IQCJ: variants seen among roughly 807,000 people sequenced by gnomAD.
The protein encoded by IQCJ is IQ motif containing J.
Under a neutral mutation model 11.0 loss-of-function variants are expected in IQCJ, and 9 were observed. That is an observed-to-expected ratio of 0.82 (90% CI 0.49 to 1.43). IQCJ has a LOEUF of 1.43. Among genes scored for constraint, IQCJ ranks in the 40% most tolerant of loss-of-function variants. IQCJ has a pLI of 0.00. For missense variants in IQCJ, 146 were observed against 133.2 expected (o/e 1.10, Z -0.47); for synonymous variants, 55 against 51.3 (o/e 1.07, Z -0.31).
intron 1 of IQCJ, among the ~76,000 whole-genome samples, chr3:159,076,004 C>T (rs1392803486): frequency 1.3e-5 from 2 of 152,076 alleles, no homozygotes; most frequent in Non-Finnish European, 2.9e-5. Context: ...CCTTGGGCCG[C>T]TCTTCTTACC....
At chr3:159,105,281 A>C (rs964099044) in intron 1 of IQCJ, among the ~76,000 whole-genome samples, 8 of 152,212 alleles carry the variant, frequency 5.3e-5, no homozygotes, top group African/African-American at 1.4e-4. Flanking sequence ...TGGGGACTCA[A>C]GTATGGCTTT....
chr3:159,111,320 G>C (rs1241533036), intron 1 of IQCJ, among the ~76,000 whole-genome samples: 1 of 152,024 alleles, frequency 6.6e-6, no homozygotes, highest in Non-Finnish European at 1.5e-5. Flanking sequence ...TTTGTCTTGA[G>C]TCATATCATA....
intron 1 of IQCJ, among the ~76,000 whole-genome samples, chr3:159,158,900 A>G (rs1721682618): frequency 6.6e-6 from 1 of 152,214 alleles, no homozygotes; most frequent in Non-Finnish European, 1.5e-5. Context: ...GTAAGATAGC[A>G]GACACAGACA....
chr3:159,159,357 G>A (rs1721707247), intron 1 of IQCJ, among the ~76,000 whole-genome samples: 1 of 152,122 alleles, frequency 6.6e-6, no homozygotes. Context: ...TCAAAGGTGT[G>A]TTTGTAGGAG....
intron 1 of IQCJ, chr3:159,069,844 TGTG>T (rs1301176907): frequency 3.8e-4 from 10 of 26,028 alleles, no homozygotes; most frequent in South Asian, 1.6e-3. Flanking sequence ...CCTCCTTTCT[TGTG>T]TGTGTGTGTG....
chr3:159,221,188 A>G (rs1725517487), intron 1 of IQCJ, among the ~76,000 whole-genome samples: 1 of 152,176 alleles, frequency 6.6e-6, no homozygotes, highest in African/African-American at 2.4e-5. Context: ...CAGAATTCAA[A>G]TGTCCACCAT....
chr3:159,119,045 A>G (rs764747484), intron 1 of IQCJ, among the ~76,000 whole-genome samples: 1 of 152,212 alleles, frequency 6.6e-6, no homozygotes, highest in Non-Finnish European at 1.5e-5. Context: ...CCATAAAAAC[A>G]GGTCACAGCT....
intron 1 of IQCJ, among the ~76,000 whole-genome samples, chr3:159,180,471 G>A (rs1479005501): frequency 2.0e-5 from 3 of 152,012 alleles, no homozygotes; most frequent in African/African-American, 7.3e-5. Flanking sequence ...AAATGATTCA[G>A]CAGAAAGTGT....
intron 1 of IQCJ, among the ~76,000 whole-genome samples, chr3:159,086,225 G>A (rs1015525130): frequency 6.6e-6 from 1 of 152,110 alleles, no homozygotes; most frequent in African/African-American, 2.4e-5. Context: ...TCAGATAGTT[G>A]TAGATATGTG....
In IQCJ at chr3:159,245,733, C is replaced by T. The variant is rs569830658; in HGVS notation, c.10-110C>T. The T allele has an allele frequency of 1.1e-5, 10 of 927,914 alleles. 1 individual carries two copies. The African/African-American group carries it at 1.5e-4, about 14-fold the overall frequency. The allele number at this position is 927,914 out of a possible 1,614,324, so 57.5% of individuals were successfully genotyped here. On this transcript the variant is annotated intron_variant, in intron 1 of 3. Transcript: ENST00000397832. ...CGCCTCGGCCTCCCAAAGTGCAGTC[C>T]AGAACTCTTAATGTTGTGTTGTATC...
At chr3:159,208,460 T>C (rs989796042) in intron 1 of IQCJ, among the ~76,000 whole-genome samples, 3 of 152,220 alleles carry the variant, frequency 2.0e-5, no homozygotes, top group African/African-American at 7.2e-5. Context: ...TCCTCTGAGA[T>C]GAGATAAGGT....
chr3:159,089,609 T>C lies in IQCJ; in HGVS notation c.9+20168T>C, dbSNP rs527451028. 4.6e-3 allele frequency among the ~76,000 whole-genome samples: 692 copies of C among 151,902 alleles called. 4 individuals carry two copies. Among genetic ancestry groups the C allele is most frequent in the Non-Finnish European group, 7.9e-3 (534 of 68,016 alleles). On this transcript the variant is annotated intron_variant, in intron 1 of 3. Coordinates refer to ENST00000397832, the MANE Select transcript of IQCJ (RefSeq NM_001042706.3). ...CATAGTCCCATATTTCTTGGAGGCTTTGCTCATTTCTTTTTATTCTTTTTT... is the reference window on the plus strand; with the variant it reads ...CATAGTCCCATATTTCTTGGAGGCTCTGCTCATTTCTTTTTATTCTTTTTT...
intron 1 of IQCJ, among the ~76,000 whole-genome samples, chr3:159,121,395 A>C (rs1719375556): frequency 6.6e-6 from 1 of 152,040 alleles, no homozygotes; most frequent in African/African-American, 2.4e-5. Context: ...CAGCCTCCCA[A>C]AGTGTTAGGA....
chr3:159,209,266 A>G (rs1034888095), intron 1 of IQCJ, among the ~76,000 whole-genome samples: 2 of 152,116 alleles, frequency 1.3e-5, no homozygotes, highest in Non-Finnish European at 2.9e-5. Context: ...GATGTGGCTT[A>G]ACTTCAGATG....
At chr3:159,153,472 C>T (rs1363706531) in intron 1 of IQCJ, among the ~76,000 whole-genome samples, 3 of 152,150 alleles carry the variant, frequency 2.0e-5, no homozygotes, top group Non-Finnish European at 4.4e-5. Context: ...TATTAATTCC[C>T]GTTCATTTCT....
chr3:159,252,364 C>T (rs938541317), intron 2 of IQCJ, among the ~76,000 whole-genome samples: 20 of 152,218 alleles, frequency 1.3e-4, no homozygotes, highest in African/African-American at 4.8e-4. Flanking sequence ...GTAAGGTCTT[C>T]TCTACAACTT....
At chr3:159,116,042 A>G (rs1253807624) in intron 1 of IQCJ, among the ~76,000 whole-genome samples, 1 of 152,182 alleles carries the variant, frequency 6.6e-6, no homozygotes, top group Admixed American at 6.5e-5. Flanking sequence ...CATGTTCTGC[A>G]CATGTACCCC....
chr3:159,081,344 C>T (rs1297177604), intron 1 of IQCJ, among the ~76,000 whole-genome samples: 3 of 152,094 alleles, frequency 2.0e-5, no homozygotes, highest in African/African-American at 4.8e-5. Flanking sequence ...CTAAACCAAA[C>T]ATTGGCATTG....
At chr3:159,231,428 A>T (rs1211804342) in intron 1 of IQCJ, among the ~76,000 whole-genome samples, 14 of 152,210 alleles carry the variant, frequency 9.2e-5, no homozygotes, top group Admixed American at 9.2e-4. Context: ...GTTTTCTGAT[A>T]ATCACATTCT....
Sources: gnomAD v4.1 joint callset for allele counts (sites outside exome capture counted in the v4.1 genomes callset) on GRCh38, gnomAD v4.1.1 for gene constraint, MANE v1.5 for transcripts, NCBI Gene and HGNC (gene_info 2026-07-23, HGNC 2026-07-21) for gene names.